CFHR4: variants seen among roughly 807,000 people sequenced by gnomAD.
The protein encoded by CFHR4 is complement factor H-related protein 4.
A neutral mutation model predicts 69.3 loss-of-function variants in CFHR4; 64 were observed. That is an observed-to-expected ratio of 0.92 (90% CI 0.76 to 1.14). CFHR4 has a LOEUF of 1.14. Among genes scored for constraint, CFHR4 ranks in the 50% most tolerant of loss-of-function variants. The probability of loss-of-function intolerance (pLI) is 0.00; values close to 1 mark genes in which losing one functional copy is unlikely to be tolerated. For missense variants in CFHR4, 636 were observed against 684.9 expected, an observed-to-expected ratio of 0.93 and a Z score of 0.80; for synonymous variants, 244 against 237.0, an observed-to-expected ratio of 1.03 and a Z score of -0.27.
intron 1 of CFHR4, among the ~76,000 whole-genome samples, chr1:196,896,399 C>A (rs1657297319): frequency 6.6e-6 from 1 of 151,490 alleles, no homozygotes; most frequent in Admixed American, 6.6e-5. Flanking sequence ...TAGTGTATCT[C>A]CCCTTGGACA....
chr1:196,892,826 A>AT lies in CFHR4; in HGVS notation c.58+4625dup, dbSNP rs1370808360. 1.8e-4 allele frequency among the ~76,000 whole-genome samples: 28 copies of AT among 151,590 alleles called. 1 individual carries two copies. The highest frequency in any genetic ancestry group is 5.1e-4 in the African/African-American group (21 of 41,208). On this transcript the variant is annotated intron_variant, in intron 1 of 9. Coordinates refer to ENST00000608469, the MANE Select transcript of CFHR4 (RefSeq NM_001201550.3). ...AGCATTCAAGTCAAAAAGAATTTTT[A>AT]TTTTTTTGTTGGCAGATTTACCTAG...
At chr1:196,909,644 T>G (rs982358995) in intron 5 of CFHR4, among the ~76,000 whole-genome samples, 1 of 151,172 alleles carries the variant, frequency 6.6e-6, no homozygotes, top group African/African-American at 2.4e-5. Context: ...TAGACTTGAG[T>G]GCAGAATACT....
intron 9 of CFHR4, among the ~76,000 whole-genome samples, chr1:196,917,120 A>AAATT (rs1658686545): frequency 6.6e-6 from 1 of 151,704 alleles, no homozygotes; most frequent in African/African-American, 2.4e-5. Context: ...CTATGTTAAG[A>AAATT]AATTTATTTA....
chr1:196,918,469 T>C lies in CFHR4; in HGVS notation c.*63T>C. 1 of 1,459,058 alleles carries C rather than the reference T, an allele frequency of 6.9e-7. No individual in the cohort carries two copies. The highest frequency in any genetic ancestry group is 9.6e-7 in the Non-Finnish European group (1 of 1,043,380). The allele number at this position is 1,459,058 out of a possible 1,614,324, so 90.4% of individuals were successfully genotyped here. Reference sequence around the variant, plus strand: ...CTTCTCACTCTTATGGTCTCAAAGCTTGCAAAGATAGCTTCTGATATTGTT... The same window carrying C: ...CTTCTCACTCTTATGGTCTCAAAGCCTGCAAAGATAGCTTCTGATATTGTT... On this transcript the variant is annotated 3_prime_UTR_variant, in exon 10 of 10. Coordinates refer to ENST00000608469, the MANE Select transcript of CFHR4 (RefSeq NM_001201550.3).
rs1658762859 is a variant in CFHR4 at position 196,918,128 on chromosome 1, C to T, written c.1541-82C>T. 12 of 1,370,312 alleles carry T rather than the reference C, an allele frequency of 8.8e-6. 1 individual carries two copies. The highest frequency in any genetic ancestry group is 1.1e-5 in the Non-Finnish European group (11 of 1,008,208). The allele number at this position is 1,370,312 out of a possible 1,614,324, so 84.9% of individuals were successfully genotyped here. A position where few individuals can be genotyped will look rare whatever the true frequency, so the allele number is the denominator to read the frequency against. On this transcript the variant is annotated intron_variant, in intron 9 of 9. Transcript: ENST00000608469. ...GATTATTTTATAATTTTATTTTATC[C>T]TAAACTACTCATTAGGATGCATTTT... is the stretch of plus-strand genomic sequence containing the variant.
At chr1:196,901,121 T>C (rs1020533261) in intron 1 of CFHR4, among the ~76,000 whole-genome samples, 1 of 151,480 alleles carries the variant, frequency 6.6e-6, no homozygotes, top group Non-Finnish European at 1.5e-5. Flanking sequence ...ACTATTGCAA[T>C]AGGGGAAAGA....
In CFHR4 at chr1:196,914,504, A is replaced by G. The variant is rs1571451254; in HGVS notation, c.1190A>G (p.Asp397Gly). Reference sequence around the variant, plus strand: ...TTTTATTTTGTTTCAGAATTTTGTGATATGCCTGTTTTTGAGAATTCCAGA... The same window carrying G: ...TTTTATTTTGTTTCAGAATTTTGTGGTATGCCTGTTTTTGAGAATTCCAGA... ...SAQPICIKFC[D>G]MPVFENSRAK... Residue 397 changes from aspartate to glycine, a missense_variant, in exon 8 of 10, where the codon GAT becomes GGT. Physicochemically the swap from Asp to Gly is moderately conservative, Grantham distance 94 (BLOSUM62 -1). Around this residue, in one of 3 missense-constraint regions of CFHR4, gnomAD observed 529 missense variants for 533.2 expected, o/e 0.99. Transcript: ENST00000608469. 6.2e-7 allele frequency: 1 copy of G among 1,606,106 alleles called. No individual in the cohort carries two copies. The highest frequency in any genetic ancestry group is 8.5e-7 in the Non-Finnish European group (1 of 1,176,888).
At chr1:196,917,985 G>A (rs751467068) in intron 9 of CFHR4, among the ~76,000 whole-genome samples, 2 of 151,538 alleles carry the variant, frequency 1.3e-5, no homozygotes, top group Non-Finnish European at 1.5e-5. Context: ...CAGGGTTCAC[G>A]TTTATCACCT....
intron 1 of CFHR4, among the ~76,000 whole-genome samples, chr1:196,900,355 T>A (rs1657538552): frequency 1.4e-5 from 2 of 147,314 alleles, no homozygotes; most frequent in African/African-American, 2.5e-5. Flanking sequence ...AACTACCATA[T>A]GAGAAAGATA....
At chr1:196,914,867 A>G in intron 8 of CFHR4, 89 bp from the exon 9 acceptor site, 1 of 1,519,044 alleles carries the variant, frequency 6.6e-7, no homozygotes, top group Non-Finnish European at 8.8e-7. Flanking sequence ...ATCAAATAAG[A>G]TACAGTTAAG....
intron 2 of CFHR4, among the ~76,000 whole-genome samples, chr1:196,904,715 G>A (rs151248138): frequency 1.3e-5 from 2 of 151,642 alleles, no homozygotes; most frequent in African/African-American, 2.4e-5. Context: ...TGGTAGCAGT[G>A]TGTACTGTAT....
At position 196,907,427 on chromosome 1, in the gene CFHR4, A is replaced by G; in HGVS notation, c.728A>G (p.Tyr243Cys). The change falls in exon 5 of 10, where the codon TAC (tyrosine) becomes TGC (cysteine). Residue 243 changes from tyrosine to cysteine, a missense_variant. Tyr to Cys is a radical substitution (Grantham distance 194, BLOSUM62 -2). Around this residue, in one of 3 missense-constraint regions of CFHR4, gnomAD observed 529 missense variants for 533.2 expected, o/e 0.99. Coordinates refer to ENST00000608469, the MANE Select transcript of CFHR4 (RefSeq NM_001201550.3). Reference sequence around the variant, plus strand: ...AGAGTCGAGTACCAGTGCCAGTCCTACTATGAACTTCAGGGTTCTAAATAT... The same window carrying G: ...AGAGTCGAGTACCAGTGCCAGTCCTGCTATGAACTTCAGGGTTCTAAATAT... ...WSRVEYQCQS[Y>C]YELQGSKYVT... 6.2e-7 allele frequency: 1 copy of G among 1,612,198 alleles called. No individual in the cohort carries two copies. Among genetic ancestry groups the G allele is most frequent in the Non-Finnish European group, 8.5e-7 (1 of 1,179,154 alleles).
intron 1 of CFHR4, among the ~76,000 whole-genome samples, chr1:196,895,323 T>C (rs10754208): frequency 0.99 from 150,432 of 151,420 alleles, 74,759 homozygotes; most frequent in Middle Eastern, 1. Context: ...GTTCATTAAG[T>C]TTATTGAGGG....
In CFHR4 at chr1:196,907,542, C is replaced by T. The variant is rs745733598; in HGVS notation, c.799+44C>T. ...GGATCTGAGAAAATTAGAGTAATAA[C>T]TTTGATCCTTGTTTATTTATACTAA... On this transcript the variant is annotated intron_variant, in intron 5 of 9. Transcript: ENST00000608469. The T allele has an allele frequency of 1.3e-5, 20 of 1,508,454 alleles. 1 individual carries two copies. In the South Asian group the frequency reaches 2.3e-4, roughly 17 times the overall value. 93.4% of individuals were successfully genotyped at this position (1,508,454 alleles called of 1,614,324 possible).
At chr1:196,911,912 C>G (rs1571445241) in intron 6 of CFHR4, among the ~76,000 whole-genome samples, 1 of 151,358 alleles carries the variant, frequency 6.6e-6, no homozygotes, top group South Asian at 2.1e-4. Context: ...GATCAGAAAA[C>G]TCATGATTAT....
chr1:196,910,418 A>C lies in CFHR4; in HGVS notation c.937A>C (p.Ser313Arg). 6.2e-7 allele frequency: 1 copy of C among 1,612,862 alleles called. No homozygotes were observed. The highest frequency in any genetic ancestry group is 8.5e-7 in the Non-Finnish European group (1 of 1,179,670). The part of the protein sequence containing the change: ...CDQNFVTPSG[S>R]YWDYIHCTQD... ...CCAAAATTTTGTGACTCCTTCAGGA[A>C]GTTACTGGGATTACATTCACTGCAC... is the stretch of plus-strand genomic sequence containing the variant. The change falls in exon 6 of 10, where the codon AGT (serine) becomes CGT (arginine). Residue 313 changes from serine (S) to arginine (R), a missense_variant. By Grantham distance (110) the Ser-to-Arg change is moderately radical (BLOSUM62 -1). Around this residue, in one of 3 missense-constraint regions of CFHR4, gnomAD observed 529 missense variants for 533.2 expected, o/e 0.99. Coordinates refer to ENST00000608469, the MANE Select transcript of CFHR4 (RefSeq NM_001201550.3).
chr1:196,896,502 A>G lies in CFHR4; in HGVS notation c.59-5916A>G, dbSNP rs187764610. ...TTTCTGTCTGCATCTCTGTGATCAA[A>G]GAACCCAGCAATCAGAGCACAAATC... On this transcript the variant is annotated intron_variant, in intron 1 of 9. Transcript: ENST00000608469. Among the ~76,000 whole-genome samples the G allele has an allele frequency of 7.8e-4, 118 of 151,748 alleles. 1 individual carries two copies. The highest frequency in any genetic ancestry group is 1.5e-3 in the Non-Finnish European group (100 of 67,976).
At chr1:196,912,979 A>G (rs1658363249) in intron 7 of CFHR4, 57 bp downstream of exon 7, 3 of 1,606,550 alleles carry the variant, frequency 1.9e-6, no homozygotes, top group Admixed American at 1.7e-5. Flanking sequence ...TCTCTTTGAG[A>G]TGATAGTGTT....
intron 2 of CFHR4, 148 bp from the exon 3 acceptor site, chr1:196,904,960 G>C: frequency 2.6e-6 from 2 of 756,242 alleles, no homozygotes; most frequent in East Asian, 3.3e-5. Context: ...AAAATTCACA[G>C]ATGTCTAGGA....
Sources: gnomAD v4.1 joint callset for allele counts (sites outside exome capture counted in the v4.1 genomes callset) on GRCh38, gnomAD v4.1.1 for gene constraint, gnomAD v4.1.1 regional missense constraint, MANE v1.5 for transcripts, NCBI Gene and HGNC (gene_info 2026-07-23, HGNC 2026-07-21) for gene names.